Variants in GRIK2 observed in about 807,000 individuals in gnomAD.
GRIK2 encodes the protein glutamate ionotropic receptor kainate type subunit 2.
GRIK2 carries 32 observed loss-of-function variants against 100.3 expected under a neutral mutation model. The ratio of observed to expected loss-of-function variants is 0.32; its 90% CI spans 0.24 to 0.43. The LOEUF is 0.43. Among genes scored for constraint, GRIK2 ranks in the 20% least tolerant of loss-of-function variants. The pLI is 1.00. For missense variants in GRIK2, 843 were observed against 1,114.9 expected, an observed-to-expected ratio of 0.76 and a Z score of 3.47; for synonymous variants, 417 against 389.4, an observed-to-expected ratio of 1.07 and a Z score of -0.83.
chr6:101,967,663 T>A (rs1045720427), intron 14 of GRIK2, among the ~76,000 whole-genome samples: 1 of 152,074 alleles, frequency 6.6e-6, no homozygotes, highest in Non-Finnish European at 1.5e-5. Flanking sequence ...ATCAGGTGTT[T>A]TCCTTCCCAG....
At chr6:102,062,239 T>TATAAATA in intron 16 of GRIK2, among the ~76,000 whole-genome samples, 1 of 150,662 alleles carries the variant, frequency 6.6e-6, no homozygotes, top group East Asian at 1.9e-4. Flanking sequence ...ATAATTTAAT[T>TATAAATA]CACTAAGAAA....
At chr6:101,552,156 G>T (rs1776543826) in intron 2 of GRIK2, among the ~76,000 whole-genome samples, 1 of 152,092 alleles carries the variant, frequency 6.6e-6, no homozygotes, top group Non-Finnish European at 1.5e-5. Context: ...TTGGAAGTGG[G>T]AGTAAATTCA....
intron 7 of GRIK2, among the ~76,000 whole-genome samples, chr6:101,748,617 A>G (rs1263044583): frequency 6.6e-6 from 1 of 152,060 alleles, no homozygotes; most frequent in Non-Finnish European, 1.5e-5. Flanking sequence ...CTGCTAGTGC[A>G]GGCTTATTGA....
At chr6:101,785,109 G>A (rs533400776) in intron 7 of GRIK2, among the ~76,000 whole-genome samples, 7 of 152,092 alleles carry the variant, frequency 4.6e-5, no homozygotes, top group African/African-American at 1.2e-4. Flanking sequence ...TTAGAGAAAT[G>A]TCTGTTCACA....
At chr6:101,913,669 G>A (rs1177298388) in intron 12 of GRIK2, among the ~76,000 whole-genome samples, 12 of 151,376 alleles carry the variant, frequency 7.9e-5, no homozygotes, top group Non-Finnish European at 3.0e-5. Context: ...CATCCAATAA[G>A]TGAATTATGC....
chr6:101,772,489 G>A (rs1248753075), intron 7 of GRIK2, among the ~76,000 whole-genome samples: 2 of 152,044 alleles, frequency 1.3e-5, no homozygotes, highest in African/African-American at 4.8e-5. Flanking sequence ...TCTACTCTTT[G>A]AGTCTTTCAC....
At chr6:101,755,208 C>T (rs1777058599) in intron 7 of GRIK2, among the ~76,000 whole-genome samples, 1 of 124,266 alleles carries the variant, frequency 8.0e-6, no homozygotes, top group Non-Finnish European at 1.6e-5. Flanking sequence ...GCTCTGTCAT[C>T]CAGTCTGGAG....
At chr6:101,567,359 G>A (rs561718924) in intron 2 of GRIK2, among the ~76,000 whole-genome samples, 11 of 151,720 alleles carry the variant, frequency 7.3e-5, no homozygotes, top group Non-Finnish European at 1.3e-4. Context: ...CATCTTACAA[G>A]ATAAATGCCA....
At chr6:101,427,752 G>A (rs1443861265) in intron 2 of GRIK2, among the ~76,000 whole-genome samples, 4 of 152,158 alleles carry the variant, frequency 2.6e-5, no homozygotes, top group East Asian at 3.8e-4. Context: ...TGGTCATTCA[G>A]TCAGCCAGTG....
chr6:101,553,038 C>G (rs150050941), intron 2 of GRIK2, among the ~76,000 whole-genome samples: 2 of 152,256 alleles, frequency 1.3e-5, no homozygotes, highest in East Asian at 3.9e-4. Flanking sequence ...ATTTTATCCT[C>G]ATTCATTTAA....
chr6:102,055,807 G>A (rs563455395), intron 16 of GRIK2, among the ~76,000 whole-genome samples: 2 of 151,992 alleles, frequency 1.3e-5, no homozygotes, highest in East Asian at 1.9e-4. Flanking sequence ...ATGTTTAATT[G>A]TAGCCAGCTT....
At chr6:101,996,493 T>C (rs1324626206) in intron 14 of GRIK2, among the ~76,000 whole-genome samples, 1 of 152,078 alleles carries the variant, frequency 6.6e-6, no homozygotes, top group African/African-American at 2.4e-5. Context: ...TCTACTAAAA[T>C]CTCTTAGCAG....
chr6:102,024,794 C>T (rs551087666), intron 14 of GRIK2, among the ~76,000 whole-genome samples: 104 of 151,006 alleles, frequency 6.9e-4, no homozygotes, highest in African/African-American at 2.4e-3. Context: ...GGTATATATA[C>T]ATATATTTTT....
chr6:101,555,272 G>C (rs150159085), intron 2 of GRIK2, among the ~76,000 whole-genome samples: 1 of 152,162 alleles, frequency 6.6e-6, no homozygotes, highest in Non-Finnish European at 1.5e-5. Flanking sequence ...ATGCAGAGGT[G>C]TGCTGTGCCG....
intron 7 of GRIK2, among the ~76,000 whole-genome samples, chr6:101,704,516 C>A (rs2128354615): frequency 6.6e-6 from 1 of 151,850 alleles, no homozygotes; most frequent in Non-Finnish European, 1.5e-5. Context: ...ATACACTCTC[C>A]AATGTGTACC....
intron 14 of GRIK2, among the ~76,000 whole-genome samples, chr6:101,951,489 G>A (rs1791602121): frequency 1.3e-5 from 2 of 152,146 alleles, no homozygotes; most frequent in South Asian, 4.1e-4. Flanking sequence ...AAATATTTTT[G>A]CTTTAGGTGT....
chr6:101,859,430 A>G lies in GRIK2; in HGVS notation c.1461A>G (p.Lys487=). Residue 487 remains lysine (K), a synonymous_variant, in exon 11 of 17, where the codon AAA becomes AAG. Coordinates refer to ENST00000369134, the MANE Select transcript of GRIK2 (RefSeq NM_021956.5). ...AAATTAGACTTGTGGAAGATGGGAAATATGGAGCCCAGGATGATGCCAATG... is the reference window on the plus strand; with the variant it reads ...AAATTAGACTTGTGGAAGATGGGAAGTATGGAGCCCAGGATGATGCCAATG... ...TYEIRLVEDG[K]YGAQDDANGQ... is the part of the protein sequence containing the mutation. 1.2e-6 allele frequency: 2 copies of G among 1,610,754 alleles called. No homozygotes were observed. Among genetic ancestry groups the G allele is most frequent in the Non-Finnish European group, 1.7e-6 (2 of 1,177,148 alleles).
At chr6:101,712,066 G>C (rs1244621096) in intron 7 of GRIK2, among the ~76,000 whole-genome samples, 1 of 151,690 alleles carries the variant, frequency 6.6e-6, no homozygotes, top group Non-Finnish European at 1.5e-5. Context: ...CCAAATGATT[G>C]AGTAAATTTG....
chr6:101,537,655 CT>C (rs1775780929), intron 2 of GRIK2, among the ~76,000 whole-genome samples: 1 of 151,684 alleles, frequency 6.6e-6, no homozygotes, highest in Non-Finnish European at 1.5e-5. Context: ...GTCCTATGAA[CT>C]TATGAGAACT....
Sources: allele counts gnomAD v4.1 joint callset (sites outside exome capture counted in the v4.1 genomes callset), GRCh38; gene constraint gnomAD v4.1.1; transcripts MANE v1.5; gene names NCBI Gene and HGNC (gene_info 2026-07-23, HGNC 2026-07-21).